TBL1XR1: variants seen among roughly 807,000 people sequenced by gnomAD.
The protein encoded by TBL1XR1 is F-box-like/WD repeat-containing protein TBL1XR1.
A neutral mutation model predicts 66.9 loss-of-function variants in TBL1XR1; 5 were observed. That is an observed-to-expected ratio of 0.07 (90% confidence interval 0.04 to 0.16). TBL1XR1 has a LOEUF of 0.16. Ranked by LOEUF, TBL1XR1 falls within the 10% of genes least tolerant of loss-of-function variation. The pLI, the probability that TBL1XR1 is intolerant of heterozygous loss-of-function variation, is 1.00. For missense variants in TBL1XR1, 238 were observed against 623.2 expected, an observed-to-expected ratio of 0.38 and a Z score of 6.58; for synonymous variants, 210 against 206.0, an observed-to-expected ratio of 1.02 and a Z score of -0.17.
chr3:177,117,783 T>G (rs1398815029), intron 1 of TBL1XR1, among the ~76,000 whole-genome samples: 8 of 152,180 alleles, frequency 5.3e-5, no homozygotes, highest in Non-Finnish European at 1.5e-5. Context: ...TGCCACTGAT[T>G]GGGAGAAATA....
intron 1 of TBL1XR1, among the ~76,000 whole-genome samples, chr3:177,147,428 T>C (rs1041860742): frequency 1.3e-5 from 2 of 152,190 alleles, no homozygotes; most frequent in Non-Finnish European, 2.9e-5. Context: ...GATTTTTTCC[T>C]AACCAGCAAG....
chr3:177,082,125 T>C (rs1721469648), intron 2 of TBL1XR1, among the ~76,000 whole-genome samples: 1 of 152,156 alleles, frequency 6.6e-6, no homozygotes, highest in Non-Finnish European at 1.5e-5. Context: ...ATCAGTAATA[T>C]AGAATTCTTA....
At chr3:177,116,766 A>T (rs1368420263) in intron 1 of TBL1XR1, among the ~76,000 whole-genome samples, 2 of 152,214 alleles carry the variant, frequency 1.3e-5, no homozygotes, top group Non-Finnish European at 2.9e-5. Context: ...GAGGAAAGTT[A>T]TGTTAACTAA....
intron 2 of TBL1XR1, among the ~76,000 whole-genome samples, chr3:177,065,843 C>G (rs1246724017): frequency 6.6e-6 from 1 of 152,184 alleles, no homozygotes; most frequent in Non-Finnish European, 1.5e-5. Context: ...AATATGTAAA[C>G]AAACGAGTGT....
chr3:177,201,080 A>G (rs987247277), upstream of TBL1XR1, among the ~76,000 whole-genome samples: 2 of 152,078 alleles, frequency 1.3e-5, no homozygotes, highest in Non-Finnish European at 2.9e-5. Flanking sequence ...AGTAACTGTT[A>G]TCAGAAGTTA....
intron 1 of TBL1XR1, among the ~76,000 whole-genome samples, chr3:177,165,153 G>T (rs545381571): frequency 5.3e-5 from 8 of 151,970 alleles, no homozygotes; most frequent in Non-Finnish European, 1.0e-4. Context: ...CAGAAAATCT[G>T]AAAGAACTGA....
At chr3:177,153,627 A>C (rs9883127) in intron 1 of TBL1XR1, among the ~76,000 whole-genome samples, 92,040 of 152,000 alleles carry the variant, frequency 0.61, 28,141 homozygotes, top group East Asian at 0.75. Context: ...GTGGCTCACG[A>C]CCGTAATCCC....
At chr3:177,184,798 C>G (rs1204776283) in intron 1 of TBL1XR1, among the ~76,000 whole-genome samples, 2 of 108,778 alleles carry the variant, frequency 1.8e-5, no homozygotes, top group Non-Finnish European at 4.4e-5. Context: ...AAGACTGTGG[C>G]TCAAAAAAAA....
rs1371424116 is a variant in TBL1XR1 at position 177,022,993 on chromosome 3, T to C, written c.*2505A>G. ...CTTTTATATGTCCTATTGTGGCTAT[T>C]ATGCTTAAGTAAAATAGCTAAAGAA... On this transcript the variant is annotated 3_prime_UTR_variant, in exon 16 of 16. Transcript: ENST00000457928. 6.6e-6 allele frequency: 1 copy of C among 151,910 alleles called. No homozygotes were observed. The highest frequency in any genetic ancestry group is 1.5e-5 in the Non-Finnish European group (1 of 67,908). 9.4% of individuals were successfully genotyped at this position (151,910 alleles called of 1,614,324 possible).
intron 1 of TBL1XR1, among the ~76,000 whole-genome samples, chr3:177,115,100 C>T (rs1726149042): frequency 1.3e-5 from 2 of 152,082 alleles, no homozygotes; most frequent in Admixed American, 1.3e-4. Context: ...GCAGGATGGA[C>T]TCCATACAGT....
At chr3:177,118,554 AG>A (rs538768895) in intron 1 of TBL1XR1, among the ~76,000 whole-genome samples, 84 of 152,366 alleles carry the variant, frequency 5.5e-4, no homozygotes, top group Non-Finnish European at 1.0e-3. Flanking sequence ...GACAGACATT[AG>A]GAAGACTTTA....
chr3:177,106,743 C>G (rs1724939869), intron 1 of TBL1XR1, among the ~76,000 whole-genome samples: 2 of 152,058 alleles, frequency 1.3e-5, no homozygotes, highest in Admixed American at 6.6e-5. Context: ...GAAGACAGTC[C>G]GCTAACAGGG....
At position 177,164,211 on chromosome 3, in the gene TBL1XR1, C is replaced by T. The variant is rs571696035; in HGVS notation, c.-122+32910G>A. ...TTGTGGCTTGGTTAGGACTCCCTGA[C>T]TTGACATTAAAAACTGTTCATGTTT... On this transcript the variant is annotated intron_variant, in intron 1 of 15. Coordinates refer to ENST00000457928, the MANE Select transcript of TBL1XR1 (RefSeq NM_024665.7). Among the ~76,000 whole-genome samples the T allele has an allele frequency of 2.0e-5, 3 of 152,268 alleles. No homozygotes were observed. In the South Asian group the frequency reaches 6.2e-4, roughly 32 times the overall value.
intron 3 of TBL1XR1, among the ~76,000 whole-genome samples, chr3:177,063,860 G>A (rs928177132): frequency 1.3e-5 from 2 of 152,106 alleles, no homozygotes; most frequent in Middle Eastern, 3.2e-3. Flanking sequence ...GGCAGTGATG[G>A]TGCTTGGGAA....
At chr3:177,105,627 T>C (rs1240046076) in intron 1 of TBL1XR1, among the ~76,000 whole-genome samples, 1 of 152,212 alleles carries the variant, frequency 6.6e-6, no homozygotes, top group Non-Finnish European at 1.5e-5. Flanking sequence ...TGAGAATGGC[T>C]CTGCCAAGAA....
rs147712765 is a variant in TBL1XR1, at chr3:177,103,207, C to T, written c.-121-4666G>A. Among the ~76,000 whole-genome samples, 298 of 152,300 alleles carry T rather than the reference C, an allele frequency of 2.0e-3. 1 individual carries two copies. The highest frequency in any genetic ancestry group is 6.9e-3 in the African/African-American group (288 of 41,560). On this transcript the variant is annotated intron_variant, in intron 1 of 15. Transcript: ENST00000457928. ...TTATATACCAGTAACTTTAACACCA[C>T]TTCCAGAAGGTGACCAATAAAGGTG...
At chr3:177,051,804 T>A in intron 4 of TBL1XR1, 78 bp from the exon 5 acceptor site, 1 of 1,335,836 alleles carries the variant, frequency 7.5e-7, no homozygotes, top group Non-Finnish European at 9.7e-7. Flanking sequence ...AAATCAGAAA[T>A]GAAATGAAAA....
intron 10 of TBL1XR1, among the ~76,000 whole-genome samples, chr3:177,044,222 C>G (rs1716005379): frequency 6.6e-6 from 1 of 152,150 alleles, no homozygotes. Flanking sequence ...AACATATCTT[C>G]TGTGTCTCTA....
Position 177,022,440 on chromosome 3 carries a change from G to A in TBL1XR1, c.*3058C>T, listed in dbSNP as rs1712503253. 1 of 152,424 alleles carries A rather than the reference G, an allele frequency of 6.6e-6. No individual in the cohort carries two copies. Among genetic ancestry groups the A allele is most frequent in the Non-Finnish European group, 1.5e-5 (1 of 67,926 alleles). The allele number at this position is 152,424 out of a possible 1,614,324, so 9.4% of individuals were successfully genotyped here. On this transcript the variant is annotated 3_prime_UTR_variant, in exon 16 of 16. Coordinates refer to ENST00000457928, the MANE Select transcript of TBL1XR1 (RefSeq NM_024665.7). Reference sequence around the variant, plus strand: ...TGTTATCTGGTCAATGGCAGGAAATGGGAACTGGAACAAATATAAGAACTT... The same window carrying A: ...TGTTATCTGGTCAATGGCAGGAAATAGGAACTGGAACAAATATAAGAACTT...
Sources: allele counts gnomAD v4.1 joint callset (sites outside exome capture counted in the v4.1 genomes callset), GRCh38; gene constraint gnomAD v4.1.1; transcripts MANE v1.5; gene names NCBI Gene and HGNC (gene_info 2026-07-23, HGNC 2026-07-21).